Variants in ACYP2 observed in about 807,000 individuals in gnomAD.
The protein encoded by ACYP2 is acylphosphatase-2.
In ACYP2, 12 loss-of-function variants were observed where a neutral mutation model predicts 11.2. The observed-to-expected ratio is 1.08, with a 90% CI of 0.69 to 1.74. The LOEUF is 1.74. ACYP2 is among the 40% of genes most tolerant of loss of function. The probability of loss-of-function intolerance (pLI) is 0.00; values close to 1 mark genes in which losing one functional copy is unlikely to be tolerated. For missense variants in ACYP2, 134 were observed against 101.9 expected (o/e 1.31, Z -1.35); for synonymous variants, 43 against 32.2 (o/e 1.33, Z -1.13).
At chr2:54,096,465 G>C (rs1469283299) in intron 4 of ACYP2, among the ~76,000 whole-genome samples, 1 of 152,080 alleles carries the variant, frequency 6.6e-6, no homozygotes, top group Non-Finnish European at 1.5e-5. Flanking sequence ...TCGGCACTTT[G>C]GGAGGCCAAG....
intron 6 of ACYP2, among the ~76,000 whole-genome samples, chr2:54,210,370 T>G (rs966020217): frequency 7.2e-5 from 11 of 152,126 alleles, no homozygotes; most frequent in African/African-American, 2.7e-4. Context: ...CATTACTTAA[T>G]ATATACAAAC....
intron 6 of ACYP2, among the ~76,000 whole-genome samples, chr2:54,288,155 T>C (rs1166016669): frequency 2.0e-5 from 3 of 151,982 alleles, no homozygotes; most frequent in African/African-American, 7.3e-5. Context: ...CAAAATCACC[T>C]GTTTCAAAGC....
intron 6 of ACYP2, among the ~76,000 whole-genome samples, chr2:54,296,341 C>CT (rs1308065955): frequency 9.9e-5 from 15 of 152,202 alleles, no homozygotes; most frequent in African/African-American, 3.6e-4. Flanking sequence ...TACATGCCAT[C>CT]TGTACTCAAG....
chr2:54,270,471 G>GGT (rs1220030095), intron 6 of ACYP2, among the ~76,000 whole-genome samples: 2 of 152,122 alleles, frequency 1.3e-5, no homozygotes, highest in Non-Finnish European at 2.9e-5. Flanking sequence ...AGCCAGACAT[G>GGT]GTGGCACACA....
At chr2:54,045,058 AT>A (rs968331505) in intron 2 of ACYP2, among the ~76,000 whole-genome samples, 4 of 152,224 alleles carry the variant, frequency 2.6e-5, no homozygotes, top group African/African-American at 9.6e-5. Context: ...CAACTTGAAC[AT>A]TATAAAATGT....
intron 6 of ACYP2, among the ~76,000 whole-genome samples, chr2:54,184,127 A>G (rs1683869479): frequency 6.6e-6 from 1 of 152,174 alleles, no homozygotes; most frequent in African/African-American, 2.4e-5. Context: ...AAGCATTCCT[A>G]CTTAGATCCT....
chr2:54,009,426 T>C (rs1490038082), intron 2 of ACYP2, among the ~76,000 whole-genome samples: 1 of 151,320 alleles, frequency 6.6e-6, no homozygotes, highest in Non-Finnish European at 1.5e-5. Context: ...ACAAACAAAT[T>C]AGCTGGGCAT....
At chr2:54,068,535 G>A (rs965472670) in intron 4 of ACYP2, among the ~76,000 whole-genome samples, 1 of 152,208 alleles carries the variant, frequency 6.6e-6, no homozygotes, top group East Asian at 1.9e-4. Flanking sequence ...TTCTGTAGAA[G>A]GAGAAGCATA....
At chr2:54,030,646 A>G in intron 2 of ACYP2, 1 of 187,158 alleles carries the variant, frequency 5.3e-6, no homozygotes. Context: ...GAGAATATCT[A>G]CCCAGCGCCT....
At chr2:54,235,880 A>G (rs56755567) in intron 6 of ACYP2, among the ~76,000 whole-genome samples, 39,102 of 152,012 alleles carry the variant, frequency 0.26, 5,214 homozygotes, top group East Asian at 0.46. Context: ...TAAGCTCTGT[A>G]GTGACGTTTC....
intron 6 of ACYP2, among the ~76,000 whole-genome samples, chr2:54,271,426 C>T (rs1210327808): frequency 6.6e-6 from 1 of 152,136 alleles, no homozygotes; most frequent in Non-Finnish European, 1.5e-5. Flanking sequence ...TGTTTTCTGG[C>T]AACTGACTGA....
chr2:54,113,240 CTT>C (rs60452262), intron 4 of ACYP2, among the ~76,000 whole-genome samples: 104 of 139,968 alleles, frequency 7.4e-4, no homozygotes, highest in Middle Eastern at 3.7e-3. Flanking sequence ...GTAGAGATGA[CTT>C]TTTTTTTTTT....
intron 6 of ACYP2, among the ~76,000 whole-genome samples, chr2:54,168,761 G>T (rs1301410576): frequency 6.6e-6 from 1 of 152,130 alleles, no homozygotes; most frequent in Non-Finnish European, 1.5e-5. Flanking sequence ...AATGTAAAAT[G>T]GATGATAAAA....
chr2:54,256,003 G>C, intron 6 of ACYP2: 1 of 1,614,144 alleles, frequency 6.2e-7, no homozygotes, highest in Non-Finnish European at 8.5e-7. Flanking sequence ...CCGGGGCGGT[G>C]GGAACACGAT....
intron 6 of ACYP2, among the ~76,000 whole-genome samples, chr2:54,261,995 T>A (rs188412093): frequency 6.6e-6 from 1 of 152,322 alleles, no homozygotes; most frequent in East Asian, 1.9e-4. Context: ...TACCAGGGCA[T>A]GGGAAATGAT....
intron 4 of ACYP2, among the ~76,000 whole-genome samples, chr2:54,072,507 C>T (rs1427383945): frequency 2.4e-5 from 2 of 83,456 alleles, no homozygotes; most frequent in African/African-American, 7.8e-5. Flanking sequence ...TTCTCTCTCT[C>T]TCTCTTTCTT....
rs1676208335 is a variant in ACYP2 at position 54,057,345 on chromosome 2, T to G, written c.262T>G (p.Ser88Ala). The change falls in exon 4 of 7, where the codon TCA becomes GCA. Residue 88 changes from serine (S) to alanine (A), a missense_variant. Ser to Ala is a moderately conservative substitution (Grantham distance 99). Coordinates refer to ENST00000607452, the MANE Select transcript of ACYP2 (RefSeq NM_001320586.2). Reference sequence around the variant, plus strand: ...TTGCTCATCAACTACTTTCATAAAATCAACAATTTGCTTAAGTAAGTCTTC... The same window carrying G: ...TTGCTCATCAACTACTTTCATAAAAGCAACAATTTGCTTAAGTAAGTCTTC... 1 of 397,826 alleles carries G rather than the reference T, an allele frequency of 2.5e-6. No individual in the cohort carries two copies. The highest frequency in any genetic ancestry group is 2.1e-5 in the African/African-American group (1 of 48,598). The allele number at this position is 397,826 out of a possible 1,614,324, so 24.6% of individuals were successfully genotyped here. A position where few individuals can be genotyped will look rare whatever the true frequency, so the allele number is the denominator to read the frequency against.
intron 2 of ACYP2, among the ~76,000 whole-genome samples, chr2:53,983,299 A>G (rs1671858879): frequency 6.6e-6 from 1 of 152,164 alleles, no homozygotes; most frequent in Non-Finnish European, 1.5e-5. Context: ...TGAGTCCAGG[A>G]GTTCAAGACC....
At chr2:54,010,962 C>T (rs897910885) in intron 2 of ACYP2, among the ~76,000 whole-genome samples, 8 of 152,064 alleles carry the variant, frequency 5.3e-5, no homozygotes, top group African/African-American at 1.7e-4. Flanking sequence ...AACTACCACA[C>T]GCGGCCCCTC....
Sources: gnomAD v4.1 joint callset for allele counts (sites outside exome capture counted in the v4.1 genomes callset) on GRCh38, gnomAD v4.1.1 for gene constraint, MANE v1.5 for transcripts, NCBI Gene and HGNC (gene_info 2026-07-23, HGNC 2026-07-21) for gene names.